The following GET1 variants were observed in gnomAD, a reference collection of about 807,000 sequenced individuals.
GET1 encodes guided entry of tail-anchored proteins factor 1, also known as congenital heart disease 5 protein.
Under a neutral mutation model 22.6 loss-of-function variants are expected in GET1, and 20 were observed. That is an observed-to-expected ratio of 0.89 (90% confidence interval 0.62 to 1.29). The LOEUF is 1.29. Among genes scored for constraint, GET1 ranks in the 50% most tolerant of loss-of-function variants. The pLI, the probability that GET1 is intolerant of heterozygous loss-of-function variation, is 0.00. For synonymous variants in GET1, 92 were observed against 83.8 expected, an observed-to-expected ratio of 1.10 and a Z score of -0.53; for missense variants, 209 against 219.9, an observed-to-expected ratio of 0.95 and a Z score of 0.31.
intron 4 of GET1, among the ~76,000 whole-genome samples, chr21:39,394,503 G>T (rs1555888821): frequency 6.6e-6 from 1 of 152,096 alleles, no homozygotes; most frequent in Non-Finnish European, 1.5e-5. Flanking sequence ...TAGTTTGTTA[G>T]GGTTAAGTGA....
At chr21:39,389,301 A>T (rs1280316136) in intron 1 of GET1, among the ~76,000 whole-genome samples, 6 of 149,576 alleles carry the variant, frequency 4.0e-5, no homozygotes, top group Non-Finnish European at 7.4e-5. Flanking sequence ...TTTTTTTTTG[A>T]GACAAGGTCT....
intron 1 of GET1, among the ~76,000 whole-genome samples, chr21:39,390,249 C>G (rs961918879): frequency 6.6e-6 from 1 of 152,110 alleles, no homozygotes; most frequent in African/African-American, 2.4e-5. Context: ...CTGCTCCAGA[C>G]TGCCTGGAGA....
chr21:39,427,650 A>G (rs1420769666), intron 1 of GET1: 4 of 151,318 alleles, frequency 2.6e-5, no homozygotes, highest in Non-Finnish European at 5.9e-5. Flanking sequence ...TAACCAGAGC[A>G]AGACTCTGTC....
intron 1 of GET1, chr21:39,387,722 G>A (rs2038008657): frequency 1.0e-6 from 1 of 963,658 alleles, no homozygotes; most frequent in Non-Finnish European, 1.2e-6. Flanking sequence ...CATCACGCAG[G>A]CGCTGGTAGG....
chr21:39,415,771 T>A (rs1004435494), intron 1 of GET1, among the ~76,000 whole-genome samples: 3 of 152,214 alleles, frequency 2.0e-5, no homozygotes, highest in Admixed American at 1.3e-4. Context: ...CACCTCTTAT[T>A]TTTTCTGCTT....
chr21:39,406,681 C>T (rs2039115934), downstream of GET1: 2 of 1,236,142 alleles, frequency 1.6e-6, no homozygotes, highest in South Asian at 1.5e-5. Flanking sequence ...GATGGCATGT[C>T]TAGTACACTT....
chr21:39,399,623 T>C (rs1267393245), downstream of GET1, among the ~76,000 whole-genome samples: 1 of 152,010 alleles, frequency 6.6e-6, no homozygotes, highest in Non-Finnish European at 1.5e-5. Flanking sequence ...GTATGTTTAG[T>C]AGAGATGGGG....
chr21:39,382,212 G>A (rs1191961889), intron 1 of GET1, among the ~76,000 whole-genome samples: 1 of 151,642 alleles, frequency 6.6e-6, no homozygotes, highest in Non-Finnish European at 1.5e-5. Flanking sequence ...CTGCCACCAT[G>A]CCCGGCTAAT....
downstream of GET1, among the ~76,000 whole-genome samples, chr21:39,399,508 G>A (rs186523611): frequency 1.3e-5 from 2 of 152,046 alleles, no homozygotes; most frequent in Admixed American, 6.5e-5. Context: ...GCAGTGGCGC[G>A]ATCTCGGCTC....
chr21:39,420,913 A>T (rs1464297970), intron 1 of GET1: 1 of 1,189,750 alleles, frequency 8.4e-7, no homozygotes, highest in Non-Finnish European at 1.2e-6. Context: ...TTATCATGGA[A>T]CTAACTACAT....
intron 1 of GET1, among the ~76,000 whole-genome samples, chr21:39,386,938 G>C (rs979897082): frequency 4.6e-5 from 7 of 151,536 alleles, no homozygotes; most frequent in Non-Finnish European, 8.8e-5. Context: ...TCAACCTTTC[G>C]GGCTCAAGTG....
intron 1 of GET1, among the ~76,000 whole-genome samples, chr21:39,383,687 TTC>T (rs2037708781): frequency 6.9e-6 from 1 of 145,230 alleles, no homozygotes; most frequent in Non-Finnish European, 1.5e-5. Flanking sequence ...CAAGCAATTC[TTC>T]TGTCTCAGCC....
At chr21:39,424,131 G>T (rs2074231996) in intron 1 of GET1, among the ~76,000 whole-genome samples, 1 of 151,988 alleles carries the variant, frequency 6.6e-6, no homozygotes, top group Non-Finnish European at 1.5e-5. Flanking sequence ...TCCTGCCTCA[G>T]CCTCCCGAGT....
At chr21:39,414,758 G>C (rs868311923) in intron 1 of GET1, among the ~76,000 whole-genome samples, 31 of 150,900 alleles carry the variant, frequency 2.1e-4, no homozygotes, top group African/African-American at 5.2e-4. Flanking sequence ...GTGTGTGTGT[G>C]TGTGTGTGTG....
chr21:39,398,359 G>A (rs1249318845), downstream of GET1, among the ~76,000 whole-genome samples: 4 of 152,174 alleles, frequency 2.6e-5, no homozygotes, highest in African/African-American at 9.7e-5. Flanking sequence ...CACCGGCCAT[G>A]TAGAGCGTGC....
intron 1 of GET1, among the ~76,000 whole-genome samples, chr21:39,382,495 A>C (rs2037615941): frequency 6.6e-6 from 1 of 152,194 alleles, no homozygotes; most frequent in Admixed American, 6.5e-5. Flanking sequence ...ACCTCATATA[A>C]GTGGAATCAG....
At chr21:39,412,600 G>GCACACACA (rs58572253) in intron 1 of GET1, among the ~76,000 whole-genome samples, 1 of 149,518 alleles carries the variant, frequency 6.7e-6, no homozygotes, top group Admixed American at 6.7e-5. Context: ...ACGTGCATGT[G>GCACACACA]CACACACACA....
chr21:39,391,525 T>G, intron 2 of GET1: 153 of 416,998 alleles, frequency 3.7e-4, no homozygotes, highest in East Asian at 4.9e-4. Context: ...CATGAGTCGT[T>G]TTAAGAGTTT....
intron 4 of GET1, chr21:39,405,749 A>C: frequency 1.7e-6 from 1 of 605,118 alleles, no homozygotes; most frequent in Non-Finnish European, 2.5e-6. Context: ...ACAAAAATTT[A>C]ATTATCGAAA....
Sources: allele counts gnomAD v4.1 joint callset (sites outside exome capture counted in the v4.1 genomes callset), GRCh38; gene constraint gnomAD v4.1.1; transcripts MANE v1.5; gene names NCBI Gene and HGNC (gene_info 2026-07-23, HGNC 2026-07-21).